MVB12B: variants seen among roughly 807,000 people sequenced by gnomAD.
MVB12B encodes multivesicular body subunit 12B, also known as ESCRT-I complex subunit MVB12B.
Under a neutral mutation model 41.6 loss-of-function variants are expected in MVB12B, and 16 were observed. That is an observed-to-expected ratio of 0.38 (90% CI 0.26 to 0.58). The LOEUF is 0.58. MVB12B is among the 20% of genes least tolerant of loss of function. The probability of loss-of-function intolerance (pLI) is 0.62; values close to 1 mark genes in which losing one functional copy is unlikely to be tolerated. For missense variants in MVB12B, 274 were observed against 380.2 expected, an observed-to-expected ratio of 0.72 and a Z score of 2.32; for synonymous variants, 133 against 139.7, an observed-to-expected ratio of 0.95 and a Z score of 0.34.
intron 2 of MVB12B, among the ~76,000 whole-genome samples, chr9:126,366,881 C>A (rs1830197489): frequency 6.6e-6 from 1 of 152,196 alleles, no homozygotes; most frequent in South Asian, 2.1e-4. Flanking sequence ...GCTGGACAAG[C>A]CCACAAATCG....
At chr9:126,398,759 A>T (rs1253993211) in intron 6 of MVB12B, among the ~76,000 whole-genome samples, 1 of 152,164 alleles carries the variant, frequency 6.6e-6, no homozygotes, top group Non-Finnish European at 1.5e-5. Flanking sequence ...CAGGCCAGCC[A>T]GGAGGACCTA....
intron 7 of MVB12B, among the ~76,000 whole-genome samples, chr9:126,427,140 G>A (rs1832203616): frequency 1.3e-5 from 2 of 152,136 alleles, no homozygotes; most frequent in Non-Finnish European, 2.9e-5. Context: ...TCCATAAAAT[G>A]CTGTAAACAA....
In MVB12B at chr9:126,376,381, C is replaced by T. The variant is rs1200585713; in HGVS notation, c.205-4683C>T. The T allele has an allele frequency of 1.6e-6, 1 of 609,366 alleles. No homozygotes were observed. The highest frequency in any genetic ancestry group is 1.5e-5 in the South Asian group (1 of 66,602). The allele number at this position is 609,366 out of a possible 1,614,324, so 37.7% of individuals were successfully genotyped here. ...AAGCTCCCTTTTTTCTATTTTGGGC[C>T]CTTCTGTCATGTCTGAGCCTGTCCC... is the stretch of plus-strand genomic sequence containing the variant. On this transcript the variant is annotated intron_variant, in intron 2 of 9. Coordinates refer to ENST00000361171, the MANE Select transcript of MVB12B (RefSeq NM_033446.3). This position sits in a 1 kb window ranked among gnomAD's most constrained non-coding sequence, Gnocchi z 4.1.
chr9:126,492,531 C>G (rs1444619765), intron 9 of MVB12B, among the ~76,000 whole-genome samples: 1 of 152,128 alleles, frequency 6.6e-6, no homozygotes, highest in Non-Finnish European at 1.5e-5. Flanking sequence ...ATGTGCCCCT[C>G]CATTTAATTT....
chr9:126,503,463 A>T lies in MVB12B; in HGVS notation c.*200A>T, dbSNP rs3814127. 6.7e-6 allele frequency: 4 copies of T among 596,910 alleles called. No homozygotes were observed. Among genetic ancestry groups the T allele is most frequent in the Non-Finnish European group, 1.2e-5 (4 of 334,882 alleles). The allele number at this position is 596,910 out of a possible 1,614,324, so 37.0% of individuals were successfully genotyped here. A position where few individuals can be genotyped will look rare whatever the true frequency, so the allele number is the denominator to read the frequency against. On this transcript the variant is annotated 3_prime_UTR_variant, in exon 10 of 10. Coordinates refer to ENST00000361171, the MANE Select transcript of MVB12B (RefSeq NM_033446.3). The stretch of plus-strand genomic sequence containing the variant: ...CTGACACCCCGGCCTCCCTGGGGAC[A>T]TTGTTCATAACCATGACTAATCTGT...
At chr9:126,336,508 G>A (rs1464567049) in intron 1 of MVB12B, among the ~76,000 whole-genome samples, 1 of 152,200 alleles carries the variant, frequency 6.6e-6, no homozygotes, top group African/African-American at 2.4e-5. Context: ...CCGTGAACCC[G>A]GGATGACAAC....
intron 2 of MVB12B, among the ~76,000 whole-genome samples, chr9:126,341,053 T>A (rs1053680875): frequency 2.0e-5 from 3 of 152,244 alleles, no homozygotes; most frequent in African/African-American, 7.2e-5. Flanking sequence ...CATTTAGCTC[T>A]CTTGGGCTTT....
Position 126,386,575 on chromosome 9 carries a change from A to T in MVB12B, c.326A>T (p.Asn109Ile). 1 of 1,612,920 alleles carries T rather than the reference A, an allele frequency of 6.2e-7. No homozygotes were observed. The highest frequency in any genetic ancestry group is 8.5e-7 in the Non-Finnish European group (1 of 1,178,940). ...TTTCTTCCCAAGAGTCATCTGGGGA[A>T]CGTGTTAGTAGATATGAAGCTCATT... ...SFSKENSHLG[N>I]VLVDMKLIDI... is the part of the protein sequence containing the mutation. Residue 109 changes from asparagine (N) to isoleucine (I), a missense_variant, in exon 4 of 10, where the codon AAC becomes ATC. By Grantham distance (149) the Asn-to-Ile change is moderately radical (BLOSUM62 -3). Coordinates refer to ENST00000361171, the MANE Select transcript of MVB12B (RefSeq NM_033446.3). The surrounding 1 kb of genome is among the most constrained non-coding windows in gnomAD (Gnocchi z 4.3).
At chr9:126,482,937 G>T (rs1041202733) in intron 8 of MVB12B, among the ~76,000 whole-genome samples, 3 of 152,258 alleles carry the variant, frequency 2.0e-5, no homozygotes, top group Non-Finnish European at 2.9e-5. Flanking sequence ...ATGAGGAAGG[G>T]ATTTAACCCG....
rs1375956375 is a variant in MVB12B at position 126,376,522 on chromosome 9, G to A, written c.205-4542G>A. 4.7e-6 allele frequency: 6 copies of A among 1,289,164 alleles called. No individual in the cohort carries two copies. Among genetic ancestry groups the A allele is most frequent in the Middle Eastern group, 2.2e-4 (1 of 4,648 alleles). The allele number at this position is 1,289,164 out of a possible 1,614,324, so 79.9% of individuals were successfully genotyped here. ...CTGGTGTGCTACACAGTGGGGCGAC[G>A]AGCAGGGAGCTGGCTCAGATCGTGG... On this transcript the variant is annotated intron_variant, in intron 2 of 9. Transcript: ENST00000361171. This position sits in a 1 kb window ranked among gnomAD's most constrained non-coding sequence, Gnocchi z 4.1.
chr9:126,465,870 G>A (rs1833189938), intron 7 of MVB12B, among the ~76,000 whole-genome samples: 1 of 152,172 alleles, frequency 6.6e-6, no homozygotes, highest in South Asian at 2.1e-4. Context: ...CTGTATAAGT[G>A]TGTTTCATGG....
chr9:126,374,179 C>T (rs1208087015), intron 2 of MVB12B, among the ~76,000 whole-genome samples: 2 of 152,220 alleles, frequency 1.3e-5, no homozygotes, highest in Non-Finnish European at 2.9e-5. Context: ...GTCAATAACG[C>T]TCATCCCATC....
chr9:126,447,343 T>C (rs1163580067), intron 7 of MVB12B, among the ~76,000 whole-genome samples: 1 of 151,828 alleles, frequency 6.6e-6, no homozygotes, highest in Admixed American at 6.6e-5. Flanking sequence ...TTTTTGATTT[T>C]TAATAAAAGT....
At chr9:126,364,102 T>A (rs1329997437) in intron 2 of MVB12B, among the ~76,000 whole-genome samples, 2 of 152,184 alleles carry the variant, frequency 1.3e-5, no homozygotes, top group East Asian at 3.8e-4. Flanking sequence ...TCCTTTCTGT[T>A]TGGCCTTCTT....
chr9:126,416,970 G>T (rs1446894320), intron 6 of MVB12B, among the ~76,000 whole-genome samples: 1 of 152,228 alleles, frequency 6.6e-6, no homozygotes, highest in Non-Finnish European at 1.5e-5. Context: ...CAGGTGACTT[G>T]TCCTGTTTAA....
chr9:126,350,422 G>C (rs1409702446), intron 2 of MVB12B, among the ~76,000 whole-genome samples: 1 of 152,180 alleles, frequency 6.6e-6, no homozygotes, highest in Admixed American at 6.5e-5. Context: ...TCTAGATCCT[G>C]AAGATTATCT....
intron 7 of MVB12B, among the ~76,000 whole-genome samples, chr9:126,447,005 T>C (rs1398785078): frequency 1.4e-5 from 2 of 146,782 alleles, no homozygotes; most frequent in Non-Finnish European, 3.0e-5. Flanking sequence ...AGTGCAATGG[T>C]GCCATCTTGG....
intron 6 of MVB12B, chr9:126,397,637 A>G (rs1588138883): frequency 1.0e-6 from 1 of 985,366 alleles, no homozygotes; most frequent in South Asian, 4.7e-5. Context: ...GTCTGTCCCA[A>G]GTTCTCCTGT....
At chr9:126,446,933 ACTTT>A (rs1832785538) in intron 7 of MVB12B, among the ~76,000 whole-genome samples, 1 of 113,246 alleles carries the variant, frequency 8.8e-6, no homozygotes, top group Admixed American at 1.0e-4. Flanking sequence ...CTTTTTTTTA[ACTTT>A]CTTTTTTTTT....
Sources: gnomAD v4.1 joint callset for allele counts (sites outside exome capture counted in the v4.1 genomes callset) on GRCh38, gnomAD v4.1.1 for gene constraint, Gnocchi (gnomAD v3.1) non-coding constraint, MANE v1.5 for transcripts, NCBI Gene and HGNC (gene_info 2026-07-23, HGNC 2026-07-21) for gene names.